CFAP221: variants seen among roughly 807,000 people sequenced by gnomAD.
The protein encoded by CFAP221 is cilia and flagella associated protein 221.
In CFAP221, 97 loss-of-function variants were observed where a neutral mutation model predicts 113.1. The observed-to-expected ratio is 0.86, with a 90% CI of 0.73 to 1.02. The LOEUF (loss-of-function observed/expected upper bound fraction) is 1.02. CFAP221 is among the 50% of genes least tolerant of loss of function. The probability of loss-of-function intolerance (pLI) is 0.00; values close to 1 mark genes in which losing one functional copy is unlikely to be tolerated. For synonymous variants in CFAP221, 331 were observed against 354.4 expected, an observed-to-expected ratio of 0.93 and a Z score of 0.74; for missense variants, 1,025 against 1,013.4, an observed-to-expected ratio of 1.01 and a Z score of -0.16.
chr2:119,593,421 G>A (rs986942243), intron 7 of CFAP221, among the ~76,000 whole-genome samples: 1 of 152,198 alleles, frequency 6.6e-6, no homozygotes, highest in Non-Finnish European at 1.5e-5. Flanking sequence ...CATGGTGCTG[G>A]CATCTGCTCC....
chr2:119,601,533 A>ATGTTTT, intron 8 of CFAP221, 156 bp downstream of exon 8: 1 of 656,586 alleles, frequency 1.5e-6, no homozygotes, highest in East Asian at 2.9e-5. Flanking sequence ...ACATAACAGA[A>ATGTTTT]ATATAGAATA....
intron 1 of CFAP221, 146 bp downstream of exon 1, chr2:119,544,656 G>A (rs1679920843): frequency 6.6e-6 from 1 of 152,618 alleles, no homozygotes; most frequent in African/African-American, 2.4e-5. Flanking sequence ...GGCCCAGAGG[G>A]TGACCTGAGG....
At chr2:119,597,908 G>A (rs747723268) in intron 7 of CFAP221, among the ~76,000 whole-genome samples, 7 of 152,286 alleles carry the variant, frequency 4.6e-5, no homozygotes, top group South Asian at 2.1e-4. Flanking sequence ...CACAGAAAAT[G>A]TGGGGGTTTT....
chr2:119,626,279 T>G (rs1686302158), intron 15 of CFAP221, among the ~76,000 whole-genome samples: 1 of 152,148 alleles, frequency 6.6e-6, no homozygotes, highest in Non-Finnish European at 1.5e-5. Flanking sequence ...CAGAGTGCCT[T>G]TTACCATGGA....
chr2:119,619,254 C>T (rs1685729352), intron 14 of CFAP221, among the ~76,000 whole-genome samples: 1 of 152,218 alleles, frequency 6.6e-6, no homozygotes, highest in Admixed American at 6.5e-5. Context: ...CAGACTGCCT[C>T]CTCAAGTGGG....
In CFAP221 at chr2:119,630,892, G is replaced by A. The variant is rs1439018499; in HGVS notation, c.1965G>A (p.Leu655=). 1 of 1,612,696 alleles carries A rather than the reference G, an allele frequency of 6.2e-7. No individual in the cohort carries two copies. The change falls in exon 19 of 24, where the codon CTG becomes CTA. Residue 655 remains leucine (L), a synonymous_variant. Coordinates refer to ENST00000413369, the MANE Select transcript of CFAP221 (RefSeq NM_001271049.2). The stretch of plus-strand genomic sequence containing the variant: ...CCATGTCTCTAGATTATGATCCTCT[G>A]TATGTTTTTGTAAGTGACAACTGGC... ...ALAMSLDYDP[L]YVFNPNPGLF...
intron 20 of CFAP221, among the ~76,000 whole-genome samples, 165 bp downstream of exon 20, chr2:119,638,582 G>A (rs1687263692): frequency 6.6e-6 from 1 of 152,226 alleles, no homozygotes; most frequent in Non-Finnish European, 1.5e-5. Context: ...AAGGGGTACA[G>A]GTGGAGACCC....
chr2:119,639,530 A>G (rs1490697044), intron 20 of CFAP221, among the ~76,000 whole-genome samples: 1 of 152,222 alleles, frequency 6.6e-6, no homozygotes, highest in African/African-American at 2.4e-5. Context: ...TCCCGAGGAC[A>G]TGTTGCTTGT....
chr2:119,590,558 C>T (rs1382213402), intron 7 of CFAP221, among the ~76,000 whole-genome samples: 2 of 152,236 alleles, frequency 1.3e-5, no homozygotes, highest in African/African-American at 2.4e-5. Context: ...CCCATCTCAG[C>T]TGGGCTCAGC....
chr2:119,608,072 G>A (rs142708215), intron 11 of CFAP221, among the ~76,000 whole-genome samples: 179 of 152,192 alleles, frequency 1.2e-3, no homozygotes, highest in African/African-American at 4.2e-3. Context: ...TTAACTTTTT[G>A]TGGTGCCACC....
intron 19 of CFAP221, among the ~76,000 whole-genome samples, chr2:119,637,119 T>C: frequency 6.6e-6 from 1 of 152,218 alleles, no homozygotes; most frequent in East Asian, 1.9e-4. Context: ...CAACCACAAG[T>C]GCTTACCAAG....
At chr2:119,629,826 C>T (rs768716135) in intron 16 of CFAP221, 49 bp from the exon 17 acceptor site, 3 of 1,437,798 alleles carry the variant, frequency 2.1e-6, no homozygotes, top group Non-Finnish European at 2.9e-6. Flanking sequence ...AGCATAGCCA[C>T]TCTTGCTCAG....
At position 119,605,297 on chromosome 2, in the gene CFAP221, T is replaced by C; in HGVS notation, c.1133+8T>C. The C allele has an allele frequency of 6.3e-7, 1 of 1,592,206 alleles. No homozygotes were observed. Among genetic ancestry groups the C allele is most frequent in the South Asian group, 1.1e-5 (1 of 90,410 alleles). On this transcript the variant is annotated splice_region_variant and intron_variant, in intron 11 of 23. Coordinates refer to ENST00000413369, the MANE Select transcript of CFAP221 (RefSeq NM_001271049.2). ...GGAAAATCATCTTAAGTGGTAAATA[T>C]TGAGCAATTGTTTGTATCAAGTGTC...
intron 6 of CFAP221, among the ~76,000 whole-genome samples, chr2:119,564,876 A>T (rs1197408348): frequency 3.3e-5 from 5 of 152,136 alleles, no homozygotes; most frequent in Non-Finnish European, 4.4e-5. Context: ...GCTCCTGTAC[A>T]CATGTTCTAG....
intron 14 of CFAP221, among the ~76,000 whole-genome samples, chr2:119,619,747 A>AT (rs1276857851): frequency 6.6e-6 from 1 of 152,174 alleles, no homozygotes; most frequent in African/African-American, 2.4e-5. Context: ...AGTTTGACAA[A>AT]TTGACAGAAT....
chr2:119,582,605 G>GC (rs1478017403), intron 6 of CFAP221, among the ~76,000 whole-genome samples: 7 of 151,946 alleles, frequency 4.6e-5, no homozygotes, highest in Non-Finnish European at 1.0e-4. Context: ...ACAGGCACAC[G>GC]CAACTGTGCC....
At chr2:119,579,294 GAT>G (rs150679978) in intron 6 of CFAP221, among the ~76,000 whole-genome samples, 7 of 151,054 alleles carry the variant, frequency 4.6e-5, no homozygotes, top group African/African-American at 1.5e-4. Flanking sequence ...ACAGGCACGA[GAT>G]ATATATATAT....
intron 3 of CFAP221, among the ~76,000 whole-genome samples, chr2:119,556,451 G>A (rs1478084648): frequency 6.6e-6 from 1 of 152,056 alleles, no homozygotes; most frequent in Non-Finnish European, 1.5e-5. Context: ...GTGGACATGG[G>A]AAACTATAGT....
intron 14 of CFAP221, among the ~76,000 whole-genome samples, chr2:119,616,014 C>T (rs1685501169): frequency 6.6e-6 from 1 of 152,174 alleles, no homozygotes; most frequent in South Asian, 2.1e-4. Flanking sequence ...TACGGATTTG[C>T]CTTTTCTGGG....
Sources: allele counts gnomAD v4.1 joint callset (sites outside exome capture counted in the v4.1 genomes callset), GRCh38; gene constraint gnomAD v4.1.1; transcripts MANE v1.5; gene names NCBI Gene and HGNC (gene_info 2026-07-23, HGNC 2026-07-21).